CEP104: variants seen among roughly 807,000 people sequenced by gnomAD.
CEP104 encodes the protein centrosomal protein 104.
In CEP104, 84 loss-of-function variants were observed where a neutral mutation model predicts 113.3. That is an observed-to-expected ratio of 0.74 (90% CI 0.62 to 0.89). The LOEUF (loss-of-function observed/expected upper bound fraction) is 0.89, where lower values mean the gene tolerates loss of function less well. Ranked by LOEUF, CEP104 falls within the 40% of genes least tolerant of loss-of-function variation. The pLI is 0.00. For synonymous variants in CEP104, 378 were observed against 421.7 expected, an observed-to-expected ratio of 0.90 and a Z score of 1.27; for missense variants, 1,053 against 1,156.6, an observed-to-expected ratio of 0.91 and a Z score of 1.30.
rs1161423734 is a variant in CEP104, at chr1:3,815,139, C to G, written c.*263G>C. On this transcript the variant is annotated 3_prime_UTR_variant, in exon 22 of 22. Transcript: ENST00000378230. ...AAACAGGACGCTTCCTTCTCTGATT[C>G]TAAGGAAGGCCTGAGACAGCCCTGA... The G allele has an allele frequency of 2.2e-6, 1 of 460,086 alleles. No individual in the cohort carries two copies. The highest frequency in any genetic ancestry group is 4.0e-5 in the Admixed American group (1 of 25,266). The allele number at this position is 460,086 out of a possible 1,614,324, so 28.5% of individuals were successfully genotyped here.
At chr1:3,833,824 A>G (rs1001224598) in intron 12 of CEP104, 38 bp downstream of exon 12, 1 of 1,601,532 alleles carries the variant, frequency 6.2e-7, no homozygotes, top group South Asian at 1.1e-5. Flanking sequence ...GAATATGTTT[A>G]TCATCTACGG....
chr1:3,836,377 C>A, intron 10 of CEP104, 118 bp downstream of exon 10: 1 of 1,009,002 alleles, frequency 9.9e-7, no homozygotes, highest in Non-Finnish European at 1.4e-6. Context: ...AACAATATTA[C>A]AAATGCAAAG....
intron 11 of CEP104, 108 bp from the exon 12 acceptor site, chr1:3,834,143 C>T: frequency 1.1e-6 from 1 of 939,660 alleles, no homozygotes; most frequent in Non-Finnish European, 1.6e-6. Context: ...TCGAAAATGA[C>T]ATCTCGTCTG....
chr1:3,849,266 CTTTT>C (rs59794257), intron 2 of CEP104, among the ~76,000 whole-genome samples: 8 of 127,338 alleles, frequency 6.3e-5, no homozygotes, highest in Non-Finnish European at 3.4e-5. Context: ...AGTGACATAA[CTTTT>C]TTTTTTTTTT....
chr1:3,839,489 G>T, intron 7 of CEP104, 119 bp downstream of exon 7: 2 of 923,010 alleles, frequency 2.2e-6, no homozygotes, highest in Non-Finnish European at 3.3e-6. Context: ...TGAGATCTTT[G>T]AACTCACACT....
At position 3,839,079 on chromosome 1, in the gene CEP104, C is replaced by A. The variant is rs773433172; in HGVS notation, c.776G>T (p.Cys259Phe). 5 of 1,613,978 alleles carry A rather than the reference C, an allele frequency of 3.1e-6. No homozygotes were observed. Among genetic ancestry groups the A allele is most frequent in the Non-Finnish European group, 4.2e-6 (5 of 1,179,990 alleles). The change falls in exon 8 of 22, where the codon TGT (cysteine) becomes TTT (phenylalanine). Residue 259 changes from cysteine (C) to phenylalanine (F), a missense_variant. Transcript: ENST00000378230. ...RLGRYEVEKR[C>F]AVEKEDYDLA... ...ATCGTAGTCTTCCTTCTCCACGGCA[C>A]AGCGTTTCTCTACCTCATACCTCCC... is the stretch of plus-strand genomic sequence containing the variant.
intron 16 of CEP104, 26 bp from the exon 17 acceptor site, chr1:3,826,462 A>C: frequency 6.3e-7 from 1 of 1,591,870 alleles, no homozygotes; most frequent in Non-Finnish European, 8.6e-7. Context: ...CAATTTAAAT[A>C]ACTTTTTATA....
intron 3 of CEP104, 142 bp from the exon 4 acceptor site, chr1:3,847,755 G>GTT (rs1392998766): frequency 1.3e-6 from 1 of 790,724 alleles, no homozygotes; most frequent in African/African-American, 1.8e-5. Context: ...GGATCAACAG[G>GTT]TTTGAATAAA....
rs79797528 is a variant in CEP104 at position 3,823,862 on chromosome 1, T to G, written c.2365-300A>C. On this transcript the variant is annotated intron_variant, in intron 18 of 21. Transcript: ENST00000378230. The surrounding 1 kb of genome is among the most constrained non-coding windows in gnomAD (Gnocchi z 4.1). The stretch of plus-strand genomic sequence containing the variant: ...GTGAAGCTTGGATGAGGGCGCAGAG[T>G]GGCTCAGTGGTTACAGTGTGGCCCA... Among the ~76,000 whole-genome samples the G allele has an allele frequency of 6.6e-6, 1 of 152,092 alleles. No individual in the cohort carries two copies. The highest frequency in any genetic ancestry group is 1.5e-5 in the Non-Finnish European group (1 of 68,022).
At position 3,848,730 on chromosome 1, in the gene CEP104, T is replaced by C. The variant is rs920558678; in HGVS notation, c.165A>G (p.Arg55=). ...GAGCAAGTAACTGCAGTTTCCTTAT[T>C]CGACATCTCTCCACCATTTGAAGGA... ...EIVLQMVERC[R]IRKLQLLAHQ... is the part of the protein sequence containing the mutation. Residue 55 remains arginine, a synonymous_variant, in exon 3 of 22, where the codon CGA becomes CGG. Coordinates refer to ENST00000378230, the MANE Select transcript of CEP104 (RefSeq NM_014704.4). The C allele has an allele frequency of 6.2e-7, 1 of 1,613,504 alleles. No homozygotes were observed. Among genetic ancestry groups the C allele is most frequent in the African/African-American group, 1.3e-5 (1 of 74,874 alleles).
At chr1:3,821,650 T>C (rs4648413) in intron 20 of CEP104, among the ~76,000 whole-genome samples, 92,191 of 152,016 alleles carry the variant, frequency 0.61, 28,566 homozygotes, top group African/African-American at 0.73. Context: ...ACACCAGCAT[T>C]GCCTGTGAAG....
chr1:3,839,421 G>T (rs909319986), intron 7 of CEP104, among the ~76,000 whole-genome samples, 187 bp downstream of exon 7: 2 of 152,182 alleles, frequency 1.3e-5, no homozygotes, highest in African/African-American at 4.8e-5. Context: ...AAGAGGTAAA[G>T]CTTCTGCTTC....
chr1:3,846,210 G>A (rs956553308), intron 4 of CEP104, among the ~76,000 whole-genome samples: 1 of 152,160 alleles, frequency 6.6e-6, no homozygotes, highest in African/African-American at 2.4e-5. Context: ...AAGGATCTTG[G>A]GAAATTAGAC....
chr1:3,840,930 T>A (rs948833918), intron 6 of CEP104, among the ~76,000 whole-genome samples: 1 of 152,236 alleles, frequency 6.6e-6, no homozygotes, highest in African/African-American at 2.4e-5. Context: ...GTGTCAACCA[T>A]CATATCCTAG....
chr1:3,848,000 A>C (rs1291489316), intron 3 of CEP104, among the ~76,000 whole-genome samples: 4 of 152,098 alleles, frequency 2.6e-5, no homozygotes, highest in African/African-American at 9.7e-5. Flanking sequence ...ATGCCCGGCT[A>C]ATTTTTGTAT....
At chr1:3,832,068 T>C (rs939191089) in intron 12 of CEP104, among the ~76,000 whole-genome samples, 2 of 152,112 alleles carry the variant, frequency 1.3e-5, no homozygotes, top group African/African-American at 4.8e-5. Context: ...TTGTCTCACA[T>C]AGAGAGAACA....
chr1:3,836,237 C>T lies in CEP104; in HGVS notation c.1317+258G>A, dbSNP rs7526204. 6.1e-3 allele frequency among the ~76,000 whole-genome samples: 898 copies of T among 148,142 alleles called. 11 individuals are homozygous for T. Among genetic ancestry groups the T allele is most frequent in the African/African-American group, 0.021 (835 of 40,140 alleles). On this transcript the variant is annotated intron_variant, in intron 10 of 21. Transcript: ENST00000378230. ...AGGAGAACAGGGTGAAGCCAGGAGG[C>T]GGAGCTTGCAGTGAGCGGAGATCTT...
chr1:3,838,802 C>G (rs1213799446), intron 8 of CEP104, among the ~76,000 whole-genome samples, 162 bp downstream of exon 8: 2 of 152,212 alleles, frequency 1.3e-5, no homozygotes, highest in Non-Finnish European at 2.9e-5. Context: ...GCAAAGCCTC[C>G]CTGACGTAGG....
rs1391303221 is a variant in CEP104 at position 3,852,292 on chromosome 1, C to T, written c.113+3G>A. The T allele has an allele frequency of 1.2e-6, 2 of 1,613,202 alleles. No individual in the cohort carries two copies. The highest frequency in any genetic ancestry group is 1.7e-5 in the Admixed American group (1 of 59,984). On this transcript the variant is annotated splice_donor_region_variant and intron_variant, in intron 2 of 21. Transcript: ENST00000378230. The stretch of plus-strand genomic sequence containing the variant: ...CCCAAGCCCCGCCCCGTCCAGTCCT[C>T]ACCTAGGTGACCGCCACCCACTGAC...
Sources: gnomAD v4.1 joint callset for allele counts (sites outside exome capture counted in the v4.1 genomes callset) on GRCh38, gnomAD v4.1.1 for gene constraint, Gnocchi (gnomAD v3.1) non-coding constraint, MANE v1.5 for transcripts, NCBI Gene and HGNC (gene_info 2026-07-23, HGNC 2026-07-21) for gene names.